Variants in LARGE1 observed in about 807,000 individuals in gnomAD.
The protein encoded by LARGE1 is LARGE xylosyl- and glucuronyltransferase 1.
In LARGE1, 43 loss-of-function variants were observed where a neutral mutation model predicts 87.6. The ratio of observed to expected loss-of-function variants is 0.49; its 90% confidence interval spans 0.38 to 0.63. LARGE1 has a LOEUF of 0.63. Ranked by LOEUF, LARGE1 falls within the 30% of genes least tolerant of loss-of-function variation. The pLI, the probability that LARGE1 is intolerant of heterozygous loss-of-function variation, is 0.00. For synonymous variants in LARGE1, 434 were observed against 394.6 expected (o/e 1.10, Z -1.18); for missense variants, 802 against 1,000.2 (o/e 0.80, Z 2.67).
intron 2 of LARGE1, among the ~76,000 whole-genome samples, chr22:33,674,765 C>T (rs182369997): frequency 5.3e-5 from 8 of 152,290 alleles, no homozygotes; most frequent in Admixed American, 5.2e-4. Flanking sequence ...CCAACACGCC[C>T]AATTTGTTGA....
At chr22:33,131,610 G>A in the LARGE1 span, among the ~76,000 whole-genome samples, 1 of 152,146 alleles carries the variant, frequency 6.6e-6, no homozygotes, top group Non-Finnish European at 1.5e-5. Flanking sequence ...AAGAGAGCAT[G>A]TGCAAGGGAA....
intron 2 of LARGE1, chr22:33,750,577 A>T (rs1452527938): frequency 7.4e-6 from 1 of 135,700 alleles, no homozygotes; most frequent in East Asian, 2.0e-4. Context: ...TACAATAATA[A>T]AAGGTTTTTT....
intron 5 of LARGE1, among the ~76,000 whole-genome samples, chr22:33,597,484 G>C (rs1018056928): frequency 6.6e-6 from 1 of 152,202 alleles, no homozygotes; most frequent in Middle Eastern, 3.4e-3. Flanking sequence ...GGACGGCAGG[G>C]GGCTGGAAGA....
intron 6 of LARGE1, among the ~76,000 whole-genome samples, chr22:33,528,605 T>C (rs1602268535): frequency 6.6e-6 from 1 of 152,208 alleles, no homozygotes; most frequent in East Asian, 1.9e-4. Flanking sequence ...CCACTCTGTG[T>C]TGGGTGATCT....
chr22:33,099,674 G>T, the LARGE1 span, among the ~76,000 whole-genome samples: 11 of 152,206 alleles, frequency 7.2e-5, no homozygotes, highest in Non-Finnish European at 1.5e-4. Flanking sequence ...GTTTGATTGT[G>T]GGCTTGGACA....
intron 1 of LARGE1, among the ~76,000 whole-genome samples, chr22:33,797,669 T>G (rs59594190): frequency 0.045 from 6,868 of 152,222 alleles, 512 homozygotes; most frequent in African/African-American, 0.16. Flanking sequence ...TATGGCAAAC[T>G]TCCAGTATAT....
At chr22:33,422,510 CTT>C (rs1309810438) in intron 7 of LARGE1, among the ~76,000 whole-genome samples, 34 of 136,540 alleles carry the variant, frequency 2.5e-4, no homozygotes, top group Admixed American at 3.0e-4. Context: ...GTGCTACACA[CTT>C]TTTTTTTTTT....
chr22:33,275,350 A>G (rs1929028012), intron 14 of LARGE1, among the ~76,000 whole-genome samples: 1 of 152,164 alleles, frequency 6.6e-6, no homozygotes, highest in Non-Finnish European at 1.5e-5. Flanking sequence ...ACTCAGATCT[A>G]TTTACTCTCA....
At chr22:33,797,561 A>C (rs2086025967) in intron 1 of LARGE1, among the ~76,000 whole-genome samples, 1 of 152,152 alleles carries the variant, frequency 6.6e-6, no homozygotes, top group Non-Finnish European at 1.5e-5. Context: ...GGCAGAGGAG[A>C]AGCACATGGA....
chr22:33,226,745 T>G (rs1434511532), intron 11 of LARGE1, among the ~76,000 whole-genome samples: 4 of 151,740 alleles, frequency 2.6e-5, no homozygotes, highest in Non-Finnish European at 5.9e-5. Context: ...TATTTTTTTT[T>G]TTGAGACGGA....
At chr22:33,074,480 TC>T in the LARGE1 span, among the ~76,000 whole-genome samples, 1 of 152,044 alleles carries the variant, frequency 6.6e-6, no homozygotes, top group African/African-American at 2.4e-5. Context: ...TTCCAGACCA[TC>T]CTGACCAACA....
intron 1 of LARGE1, among the ~76,000 whole-genome samples, chr22:33,910,278 T>C (rs2065592957): frequency 6.6e-6 from 1 of 152,184 alleles, no homozygotes; most frequent in South Asian, 2.1e-4. Context: ...GGTGCTTTCA[T>C]AGATATAAGG....
At chr22:33,410,058 A>G (rs932397725) in intron 7 of LARGE1, among the ~76,000 whole-genome samples, 10 of 152,132 alleles carry the variant, frequency 6.6e-5, no homozygotes, top group African/African-American at 2.4e-4. Context: ...ATGCCTGTCC[A>G]GTATATAGGG....
At position 33,454,551 on chromosome 22, in the gene LARGE1, G is replaced by A. The variant is rs138824287; in HGVS notation, c.788-22286C>T. The stretch of plus-strand genomic sequence containing the variant: ...GGGGAATTGCTTGAATCCGGGAGGC[G>A]GAGGTTGCAGTGAGCCGAGATTGAG... On this transcript the variant is annotated intron_variant, in intron 6 of 14. Coordinates refer to ENST00000397394, the MANE Select transcript of LARGE1 (RefSeq NM_133642.5). Among the ~76,000 whole-genome samples the A allele has an allele frequency of 4.4e-3, 670 of 151,576 alleles. 5 individuals carry two copies. Among genetic ancestry groups the A allele is most frequent in the African/African-American group, 0.015 (624 of 41,276 alleles).
chr22:33,197,781 C>T (rs1924154731), intron 11 of LARGE1, among the ~76,000 whole-genome samples: 1 of 152,116 alleles, frequency 6.6e-6, no homozygotes, highest in Non-Finnish European at 1.5e-5. Flanking sequence ...CACTGATAAT[C>T]TAATCCTAAA....
intron 2 of LARGE1, among the ~76,000 whole-genome samples, chr22:33,712,028 T>C (rs1337468273): frequency 6.6e-6 from 1 of 152,158 alleles, no homozygotes; most frequent in African/African-American, 2.4e-5. Context: ...AGAGCTAACG[T>C]GTGCTGCATA....
rs1464421024 is a variant in LARGE1 at position 33,172,466 on chromosome 22, TC to T, written c.1731-5635del. 7.2e-4 allele frequency among the ~76,000 whole-genome samples: 109 copies of T among 152,240 alleles called. 1 individual carries two copies. Among genetic ancestry groups the T allele is most frequent in the African/African-American group, 2.5e-3 (103 of 41,552 alleles). On this transcript the variant is annotated intron_variant, in intron 11 of 11. Transcript: ENST00000608642. ...CCCCTGCTCACTCTCTCTCTCTCTC[TC>T]TCTACTGCTGCCTTGTGAAGAAGGT...
intron 6 of LARGE1, among the ~76,000 whole-genome samples, chr22:33,490,361 C>T (rs935938687): frequency 6.6e-6 from 1 of 152,134 alleles, no homozygotes. Flanking sequence ...TTCTTTCCAC[C>T]TCATTCGTCT....
chr22:33,724,027 A>AAT (rs2083189119), intron 2 of LARGE1: 1 of 152,604 alleles, frequency 6.6e-6, no homozygotes. Flanking sequence ...GCGTCAAAGG[A>AAT]AGCTTGGTGG....
Sources: gnomAD v4.1 joint callset for allele counts (sites outside exome capture counted in the v4.1 genomes callset) on GRCh38, gnomAD v4.1.1 for gene constraint, MANE v1.5 for transcripts, NCBI Gene and HGNC (gene_info 2026-07-23, HGNC 2026-07-21) for gene names.